PTPRT: variants seen among roughly 807,000 people sequenced by gnomAD.
The protein encoded by PTPRT is receptor-type tyrosine-protein phosphatase T.
In PTPRT, 56 loss-of-function variants were observed where a neutral mutation model predicts 176.8. That is an observed-to-expected ratio of 0.32 (90% CI 0.26 to 0.40). PTPRT has a LOEUF of 0.40. Among genes scored for constraint, PTPRT ranks in the 10% least tolerant of loss-of-function variants. PTPRT has a pLI of 1.00. For missense variants in PTPRT, 1,540 were observed against 1,908.2 expected, an observed-to-expected ratio of 0.81 and a Z score of 3.60; for synonymous variants, 783 against 739.0, an observed-to-expected ratio of 1.06 and a Z score of -0.96.
chr20:42,433,302 A>T (rs994365609), intron 9 of PTPRT, among the ~76,000 whole-genome samples: 2 of 152,172 alleles, frequency 1.3e-5, no homozygotes, highest in African/African-American at 2.4e-5. Context: ...AAAAAAAAAG[A>T]AATCCAGAAA....
chr20:42,412,196 GA>G (rs2059025793), intron 9 of PTPRT, among the ~76,000 whole-genome samples: 1 of 152,134 alleles, frequency 6.6e-6, no homozygotes, highest in Non-Finnish European at 1.5e-5. Flanking sequence ...AATACACAAA[GA>G]ACTTTGAAGT....
intron 1 of PTPRT, among the ~76,000 whole-genome samples, chr20:42,946,531 T>C (rs553937902): frequency 2.0e-5 from 3 of 152,340 alleles, no homozygotes; most frequent in South Asian, 4.1e-4. Flanking sequence ...CAGCAAAAGA[T>C]GTTACATACA....
intron 5 of PTPRT, among the ~76,000 whole-genome samples, chr20:42,763,473 T>C (rs1233645837): frequency 1.3e-5 from 2 of 151,994 alleles, no homozygotes; most frequent in Non-Finnish European, 2.9e-5. Context: ...TAAAAAAAAA[T>C]GATAAAGATA....
At chr20:42,640,437 C>T (rs1325567207) in intron 7 of PTPRT, among the ~76,000 whole-genome samples, 3 of 151,926 alleles carry the variant, frequency 2.0e-5, no homozygotes, top group Non-Finnish European at 4.4e-5. Context: ...GCTTTGTCGC[C>T]CAGGCTGGAT....
intron 1 of PTPRT, among the ~76,000 whole-genome samples, chr20:42,913,290 G>A (rs74345251): frequency 2.0e-5 from 3 of 152,172 alleles, no homozygotes; most frequent in African/African-American, 7.2e-5. Context: ...TGTGTCAGCA[G>A]GATTGACCCC....
At chr20:42,472,093 G>A (rs2071207707) in intron 8 of PTPRT, among the ~76,000 whole-genome samples, 173 bp downstream of exon 8, 1 of 152,220 alleles carries the variant, frequency 6.6e-6, no homozygotes, top group South Asian at 2.1e-4. Context: ...AGCACTCCCT[G>A]GAGTTGTGCA....
rs1980496153 is a variant in PTPRT at position 42,940,866 on chromosome 20, G to C, written c.89-54934C>G. 2.0e-5 allele frequency among the ~76,000 whole-genome samples: 3 copies of C among 152,056 alleles called. No homozygotes were observed. In the South Asian group the frequency reaches 6.2e-4, roughly 32 times the overall value. ...GGAGGCTGAGGCAGGTGGATCACAA[G>C]GTCAGGAGTTCAAAACCAGCCTGAC... On this transcript the variant is annotated intron_variant, in intron 1 of 30. Transcript: ENST00000373187.
chr20:42,051,932 G>A, the PTPRT span, among the ~76,000 whole-genome samples: 2 of 152,182 alleles, frequency 1.3e-5, no homozygotes, highest in African/African-American at 4.8e-5. Flanking sequence ...TTTAGCTCCT[G>A]ATGAACCTGT....
rs1601049023 is a variant in PTPRT at position 42,451,092 on chromosome 20, A to C, written c.1451-2763T>G. Among the ~76,000 whole-genome samples, 3 of 152,272 alleles carry C rather than the reference A, an allele frequency of 2.0e-5. No individual in the cohort carries two copies. The South Asian group carries it at 6.2e-4, about 32-fold the overall frequency. On this transcript the variant is annotated intron_variant, in intron 8 of 30. Transcript: ENST00000373187. ...GAGGGTGGAAGGAGAAAAATCAGTT[A>C]GGAGGCTGTCATTGTCATCCTCGGG... is the stretch of plus-strand genomic sequence containing the variant.
rs376065743 is a variant in PTPRT, at chr20:42,098,472, G to C, written c.3795C>G (p.Phe1265Leu). ...TCACCACAGAGGAGCAGTTGTAATCGAACACCAGCCTCCAGAAGTCTGCCA... is the reference window on the plus strand; with the variant it reads ...TCACCACAGAGGAGCAGTTGTAATCCAACACCAGCCTCCAGAAGTCTGCCA... Reference protein sequence around the residue: ...NTVADFWRLVFDYNCSSVVML... With the variant: ...NTVADFWRLVLDYNCSSVVML... Residue 1265 changes from phenylalanine (F) to leucine (L), a missense_variant, in exon 27 of 31, where the codon TTC becomes TTG. By Grantham distance (22) the Phe-to-Leu change is conservative. This residue lies in a region of PTPRT where 342 missense variants were observed against 394.0 expected (regional missense o/e 0.87). Transcript: ENST00000373187. 34 of 1,614,192 alleles carry C rather than the reference G, an allele frequency of 2.1e-5. No homozygotes were observed. The highest frequency in any genetic ancestry group is 2.8e-5 in the Non-Finnish European group (33 of 1,180,030).
chr20:42,436,733 A>G (rs1233693613), intron 9 of PTPRT, among the ~76,000 whole-genome samples: 1 of 152,228 alleles, frequency 6.6e-6, no homozygotes, highest in Non-Finnish European at 1.5e-5. Flanking sequence ...AAGGATGCTC[A>G]TTTCATCACT....
chr20:42,980,758 T>A (rs1983228220), intron 1 of PTPRT, among the ~76,000 whole-genome samples: 2 of 152,292 alleles, frequency 1.3e-5, no homozygotes, highest in South Asian at 4.2e-4. Context: ...GCTCCTCACC[T>A]CCCTTTTGTT....
At chr20:42,679,705 T>C (rs1431718647) in intron 6 of PTPRT, among the ~76,000 whole-genome samples, 1 of 137,634 alleles carries the variant, frequency 7.3e-6, no homozygotes, top group Non-Finnish European at 1.6e-5. Context: ...CCTTCACTTA[T>C]ATTGTAAGGA....
chr20:42,311,946 T>G (rs2057638425), intron 12 of PTPRT, among the ~76,000 whole-genome samples: 1 of 152,248 alleles, frequency 6.6e-6, no homozygotes, highest in African/African-American at 2.4e-5. Flanking sequence ...AGCAGATTTT[T>G]ATTTACATTC....
chr20:42,980,222 AAAGAGAAAACCGGATG>A (rs1983198935), intron 1 of PTPRT, among the ~76,000 whole-genome samples: 1 of 152,174 alleles, frequency 6.6e-6, no homozygotes, highest in Admixed American at 6.5e-5. Flanking sequence ...GAAAAAGAAA[AAAGAGAAAACCGGATG>A]AAGCCGCTGG....
At chr20:42,838,623 C>T (rs543882012) in intron 2 of PTPRT, among the ~76,000 whole-genome samples, 3 of 152,264 alleles carry the variant, frequency 2.0e-5, no homozygotes, top group South Asian at 4.2e-4. Context: ...ACCAATGGGC[C>T]GCTGGACAGA....
At chr20:43,111,314 C>T (rs1398600854) in intron 1 of PTPRT, among the ~76,000 whole-genome samples, 3 of 151,670 alleles carry the variant, frequency 2.0e-5, no homozygotes, top group East Asian at 1.9e-4. Context: ...CCAAGGAGGG[C>T]GGATCACGAG....
chr20:42,994,812 G>C (rs6030594), intron 1 of PTPRT, among the ~76,000 whole-genome samples: 2,300 of 152,296 alleles, frequency 0.015, 60 homozygotes, highest in African/African-American at 0.053. Flanking sequence ...CTGCTATTAG[G>C]AAAACTTCAA....
chr20:42,925,661 A>G (rs1979436816), intron 1 of PTPRT, among the ~76,000 whole-genome samples: 1 of 152,110 alleles, frequency 6.6e-6, no homozygotes, highest in African/African-American at 2.4e-5. Context: ...GTGAATCAAA[A>G]TCACCTGGAG....
Sources: gnomAD v4.1 joint callset for allele counts (sites outside exome capture counted in the v4.1 genomes callset) on GRCh38, gnomAD v4.1.1 for gene constraint, gnomAD v4.1.1 regional missense constraint, MANE v1.5 for transcripts, NCBI Gene and HGNC (gene_info 2026-07-23, HGNC 2026-07-21) for gene names.